SVOP: variants seen among roughly 807,000 people sequenced by gnomAD.
SVOP encodes the protein SV2 related protein.
SVOP carries 17 observed loss-of-function variants against 69.1 expected under a neutral mutation model. The observed-to-expected ratio is 0.25, with a 90% CI of 0.17 to 0.37. SVOP has a LOEUF of 0.37. SVOP is among the 10% of genes least tolerant of loss of function. The pLI is 1.00. For missense variants in SVOP, 435 were observed against 597.5 expected, an observed-to-expected ratio of 0.73 and a Z score of 2.84; for synonymous variants, 238 against 238.6, an observed-to-expected ratio of 1.00 and a Z score of 0.02.
Position 108,975,616 on chromosome 12 carries a change from G to T in SVOP, c.381+1782C>A, listed in dbSNP as rs150195121. Among the ~76,000 whole-genome samples, 188 of 152,310 alleles carry T rather than the reference G, an allele frequency of 1.2e-3. 1 individual carries two copies. Among genetic ancestry groups the T allele is most frequent in the African/African-American group, 4.4e-3 (182 of 41,566 alleles). On this transcript the variant is annotated intron_variant, in intron 4 of 15. Transcript: ENST00000610966. ...AAACCATTAGCCTGGCCCAAAATAAGTGCTCAGTAAATTATGGTTGTTATC... is the reference window on the plus strand; with the variant it reads ...AAACCATTAGCCTGGCCCAAAATAATTGCTCAGTAAATTATGGTTGTTATC...
At chr12:108,932,458 T>G (rs189294503) in intron 11 of SVOP, among the ~76,000 whole-genome samples, 27 of 152,152 alleles carry the variant, frequency 1.8e-4, no homozygotes, top group Admixed American at 1.4e-3. Flanking sequence ...GAAAAAGTAA[T>G]GCTATTAGAA....
In SVOP at chr12:108,938,991, G is replaced by A. The variant is rs777167921; in HGVS notation, c.769-36C>T. ...GGAGACAGGAAACCCAGGCGTGGCT[G>A]GTTAGGGTGGAACAGAGCACTCGCT... On this transcript the variant is annotated intron_variant, in intron 8 of 15. Coordinates refer to ENST00000610966, the MANE Select transcript of SVOP (RefSeq NM_018711.5). The A allele has an allele frequency of 4.3e-6, 7 of 1,613,372 alleles. No individual in the cohort carries two copies. The South Asian group carries it at 6.6e-5, about 15-fold the overall frequency.
intron 1 of SVOP, among the ~76,000 whole-genome samples, chr12:108,997,662 C>T (rs1234109431): frequency 5.4e-4 from 82 of 151,540 alleles, no homozygotes; most frequent in East Asian, 1.6e-3. Context: ...CCCTGACCCC[C>T]GAGCAGCCTA....
rs531163282 is a variant in SVOP, at chr12:108,995,816, G to A, written c.36-12055C>T. Among the ~76,000 whole-genome samples, 6 of 151,634 alleles carry A rather than the reference G, an allele frequency of 4.0e-5. No individual in the cohort carries two copies. In the South Asian group the frequency reaches 1.0e-3, roughly 26 times the overall value. ...TCAAGAGGCTGAGGGCAGGACAATC[G>A]CTTGAATCTGGGAGGGGGGAGGTTG... On this transcript the variant is annotated intron_variant, in intron 1 of 15. Coordinates refer to ENST00000610966, the MANE Select transcript of SVOP (RefSeq NM_018711.5).
At chr12:108,958,626 G>C (rs1055600307) in intron 6 of SVOP, among the ~76,000 whole-genome samples, 8 of 152,196 alleles carry the variant, frequency 5.3e-5, no homozygotes, top group Non-Finnish European at 8.8e-5. Context: ...CTGGACTGTG[G>C]AGGATGCTGT....
intron 6 of SVOP, among the ~76,000 whole-genome samples, chr12:108,952,812 T>C (rs769277403): frequency 2.6e-5 from 4 of 152,160 alleles, no homozygotes; most frequent in Non-Finnish European, 2.9e-5. Flanking sequence ...GGAGGTATGA[T>C]CGTGTTGCTG....
intron 1 of SVOP, among the ~76,000 whole-genome samples, chr12:109,002,888 GC>G (rs1474733962): frequency 6.6e-6 from 1 of 151,286 alleles, no homozygotes; most frequent in Non-Finnish European, 1.5e-5. Flanking sequence ...CAATGCACCA[GC>G]ATGGCACATG....
chr12:108,985,242 GAAAC>G (rs1291682998), intron 1 of SVOP, among the ~76,000 whole-genome samples: 9 of 135,192 alleles, frequency 6.7e-5, no homozygotes, highest in Non-Finnish European at 1.3e-4. Flanking sequence ...TAAAAAGAAA[GAAAC>G]AAAGAAAAGA....
rs773427031 is a variant in SVOP at position 108,954,755 on chromosome 12, C to T, written c.578+6168G>A. On this transcript the variant is annotated intron_variant, in intron 6 of 15. Transcript: ENST00000610966. ...GTATTTATTCTATTTCTTAGCTGGG[C>T]GCCATGATGCATGCCTGTAATCCCA... Among the ~76,000 whole-genome samples the T allele has an allele frequency of 7.2e-5, 11 of 152,288 alleles. 1 individual carries two copies. The highest frequency in any genetic ancestry group is 1.9e-4 in the East Asian group (1 of 5,192).
intron 6 of SVOP, among the ~76,000 whole-genome samples, chr12:108,959,116 G>T (rs2040002118): frequency 6.6e-6 from 1 of 152,020 alleles, no homozygotes; most frequent in African/African-American, 2.4e-5. Flanking sequence ...AAGAAATATT[G>T]GTGGAATAAA....
intron 1 of SVOP, among the ~76,000 whole-genome samples, chr12:109,018,390 C>T (rs553249665): frequency 2.0e-5 from 3 of 152,156 alleles, no homozygotes. Context: ...GTTTCTTAGA[C>T]TCCCTCACTC....
At chr12:108,951,547 TAG>T (rs1483536938) in intron 6 of SVOP, among the ~76,000 whole-genome samples, 2 of 152,218 alleles carry the variant, frequency 1.3e-5, no homozygotes, top group Non-Finnish European at 2.9e-5. Context: ...TGTCCCTCCG[TAG>T]AGAGAAAGTG....
At chr12:108,961,085 C>A (rs1006196603) in intron 5 of SVOP, 38 bp from the exon 6 acceptor site, 9 of 1,523,632 alleles carry the variant, frequency 5.9e-6, no homozygotes, top group Non-Finnish European at 7.0e-6. Context: ...AAGGGCTTTT[C>A]AGCACCTCCA....
chr12:108,934,076 C>T, intron 11 of SVOP, 119 bp downstream of exon 11: 1 of 816,644 alleles, frequency 1.2e-6, no homozygotes, highest in Non-Finnish European at 1.9e-6. Context: ...TTGGAAACCA[C>T]AGAAGTAGTA....
chr12:108,978,725 G>C (rs557312865), intron 2 of SVOP, 62 bp from the exon 3 acceptor site: 24 of 685,264 alleles, frequency 3.5e-5, no homozygotes, highest in South Asian at 3.4e-4. Context: ...GTCCTAGTGT[G>C]GGGTTTTCTG....
At chr12:109,020,754 A>ACCCCCCCCCCCCCCC (rs67827847) in intron 1 of SVOP, 80 bp downstream of exon 1, 58 of 239,370 alleles carry the variant, frequency 2.4e-4, no homozygotes, top group South Asian at 5.5e-4. Context: ...GCAGAGATGT[A>ACCCCCCCCCCCCCCC]CCCCCCCCCA....
At chr12:108,996,265 C>T (rs542446485) in intron 1 of SVOP, among the ~76,000 whole-genome samples, 110 of 152,222 alleles carry the variant, frequency 7.2e-4, no homozygotes, top group African/African-American at 2.6e-3. Context: ...CAAAAACTTA[C>T]GTGTGGTCCT....
chr12:109,009,209 G>A (rs1420151396), intron 1 of SVOP, among the ~76,000 whole-genome samples: 1 of 151,796 alleles, frequency 6.6e-6, no homozygotes, highest in African/African-American at 2.4e-5. Context: ...TAATCAGCCC[G>A]CCTTGGCCTC....
chr12:108,971,911 G>A (rs1416654343), intron 5 of SVOP, among the ~76,000 whole-genome samples: 1 of 151,928 alleles, frequency 6.6e-6, no homozygotes, highest in African/African-American at 2.4e-5. Context: ...AAAATGAGCT[G>A]GGTGTATTGG....
Sources: gnomAD v4.1 joint callset for allele counts (sites outside exome capture counted in the v4.1 genomes callset) on GRCh38, gnomAD v4.1.1 for gene constraint, MANE v1.5 for transcripts, NCBI Gene and HGNC (gene_info 2026-07-23, HGNC 2026-07-21) for gene names.